PLBD2: variants seen among roughly 807,000 people sequenced by gnomAD.
PLBD2 encodes putative aminopeptidase PLBD2.
Under a neutral mutation model 68.3 loss-of-function variants are expected in PLBD2, and 51 were observed. The observed-to-expected ratio is 0.75, with a 90% CI of 0.60 to 0.94. PLBD2 has a LOEUF of 0.94. Ranked by LOEUF, PLBD2 falls within the 40% of genes least tolerant of loss-of-function variation. The probability of loss-of-function intolerance (pLI) is 0.00; values close to 1 mark genes in which losing one functional copy is unlikely to be tolerated. For synonymous variants in PLBD2, 314 were observed against 339.3 expected, an observed-to-expected ratio of 0.93 and a Z score of 0.82; for missense variants, 729 against 792.2, an observed-to-expected ratio of 0.92 and a Z score of 0.96.
At position 113,374,478 on chromosome 12, in the gene PLBD2, G is replaced by A. The variant is rs777756843; in HGVS notation, c.548G>A (p.Arg183Gln). ...NPDSPYWHQV[R>Q]LTLLQLKGLE... is the part of the protein sequence containing the mutation. ...TGCCCCCGCCCCCTCCCCTAGGTGC[G>A]GCTGACCCTCCTGCAGCTGAAAGGC... Residue 183 changes from arginine to glutamine, a missense_variant, in exon 4 of 12, where the codon CGG becomes CAG. Coordinates refer to ENST00000280800, the MANE Select transcript of PLBD2 (RefSeq NM_173542.4). 249 of 1,593,864 alleles carry A rather than the reference G, an allele frequency of 1.6e-4. No homozygotes were observed. The highest frequency in any genetic ancestry group is 4.3e-5 in the Non-Finnish European group (50 of 1,170,686).
At chr12:113,364,143 C>T (rs1957321061) in intron 1 of PLBD2, among the ~76,000 whole-genome samples, 1 of 152,228 alleles carries the variant, frequency 6.6e-6, no homozygotes, top group Non-Finnish European at 1.5e-5. Context: ...ATGCCCATCT[C>T]TGCAGGGCTG....
At chr12:113,360,056 C>T (rs1341352677) in intron 1 of PLBD2, among the ~76,000 whole-genome samples, 1 of 152,190 alleles carries the variant, frequency 6.6e-6, no homozygotes, top group Admixed American at 6.5e-5. Context: ...TTACTGGCAT[C>T]CATTGGCTTC....
rs1384067851 is a variant in PLBD2 at position 113,385,262 on chromosome 12, A to C, written c.1265A>C (p.Tyr422Ser). The change falls in exon 9 of 12, where the codon TAC (tyrosine) becomes TCC (serine). Residue 422 changes from tyrosine to serine, a missense_variant. Physicochemically the swap from Tyr to Ser is moderately radical, Grantham distance 144. Transcript: ENST00000280800. ...ACCTCGGAGCTCTACCAGAAGACCT[A>C]CTGGGCCAGCTACAACATACCGTGC... ...DKTSELYQKT[Y>S]WASYNIPSFE... is the part of the protein sequence containing the mutation. 1 of 1,613,926 alleles carries C rather than the reference A, an allele frequency of 6.2e-7. No homozygotes were observed. The highest frequency in any genetic ancestry group is 1.3e-5 in the African/African-American group (1 of 74,870).
At chr12:113,382,835 T>TTTTTTTTTTGTGTG (rs1335785271) in intron 6 of PLBD2, among the ~76,000 whole-genome samples, 13 of 106,606 alleles carry the variant, frequency 1.2e-4, no homozygotes, top group South Asian at 6.3e-4. Flanking sequence ...TGGTGGTTTT[T>TTTTTTTTTTGTGTG]TGTGTGTGTG....
chr12:113,364,085 C>T (rs769775486), intron 1 of PLBD2, among the ~76,000 whole-genome samples: 9 of 152,194 alleles, frequency 5.9e-5, no homozygotes, highest in Admixed American at 1.3e-4. Context: ...CGGGAAGGCC[C>T]GTCTTTTCTG....
chr12:113,379,617 C>T (rs892730767), intron 5 of PLBD2, among the ~76,000 whole-genome samples: 1 of 152,070 alleles, frequency 6.6e-6, no homozygotes, highest in African/African-American at 2.4e-5. Flanking sequence ...CAGACTAGCA[C>T]TTGTCAAGGG....
Position 113,387,921 on chromosome 12 carries a change from C to G in PLBD2, c.1602+15C>G. 9 of 1,613,622 alleles carry G rather than the reference C, an allele frequency of 5.6e-6. No individual in the cohort carries two copies. Among genetic ancestry groups the G allele is most frequent in the Non-Finnish European group, 6.8e-6 (8 of 1,179,606 alleles). ...TCGATGTGAAGGTGCTGCCTCCTCC[C>G]TAGGGCCTGAGCTGTGGGTGGGGGA... is the stretch of plus-strand genomic sequence containing the variant. On this transcript the variant is annotated intron_variant, in intron 11 of 11. Coordinates refer to ENST00000280800, the MANE Select transcript of PLBD2 (RefSeq NM_173542.4).
At chr12:113,374,131 A>G (rs541287070) in intron 3 of PLBD2, among the ~76,000 whole-genome samples, 1 of 152,174 alleles carries the variant, frequency 6.6e-6, no homozygotes, top group Non-Finnish European at 1.5e-5. Flanking sequence ...CGAGGCAGCA[A>G]TACAGTCAGT....
In PLBD2 at chr12:113,384,598, G is replaced by A. The variant is rs112429264; in HGVS notation, c.1119-253G>A. 3.9e-3 allele frequency among the ~76,000 whole-genome samples: 590 copies of A among 152,312 alleles called. 4 individuals are homozygous for A. The highest frequency in any genetic ancestry group is 0.013 in the African/African-American group (547 of 41,578). ...GAGCCAGAGACACTGGAACTGGGCA[G>A]TGCAGATCTTACAGCATCCGGCAGA... On this transcript the variant is annotated intron_variant, in intron 7 of 11. Coordinates refer to ENST00000280800, the MANE Select transcript of PLBD2 (RefSeq NM_173542.4). The surrounding 1 kb of genome is among the most constrained non-coding windows in gnomAD (Gnocchi z 4.2).
intron 1 of PLBD2, chr12:113,359,331 T>A: frequency 6.3e-6 from 1 of 157,684 alleles, no homozygotes; most frequent in Non-Finnish European, 1.4e-5. Flanking sequence ...AATTCTTACC[T>A]GCTTGGCTGT....
rs1197185107 is a variant in PLBD2, at chr12:113,387,890, G to T, written c.1586G>T (p.Gly529Val). 6.2e-7 allele frequency: 1 copy of T among 1,614,078 alleles called. No individual in the cohort carries two copies. The highest frequency in any genetic ancestry group is 8.5e-7 in the Non-Finnish European group (1 of 1,180,028). ...PFQALRQRSH[G>V]GIDVKVTSMS... ...CAGGCCCTGCGTCAGCGCTCCCATG[G>T]GGGTATCGATGTGAAGGTGCTGCCT... The change falls in exon 11 of 12, where the codon GGG becomes GTG. Residue 529 changes from glycine (G) to valine (V), a missense_variant. Transcript: ENST00000280800.
intron 11 of PLBD2, 51 bp from the exon 12 acceptor site, chr12:113,388,408 A>T: frequency 6.8e-7 from 1 of 1,469,116 alleles, no homozygotes; most frequent in Non-Finnish European, 9.0e-7. Context: ...GGGTGCCTGG[A>T]TTGGGGCAGG....
rs1340405908 is a variant in PLBD2, at chr12:113,372,725, G to A, written c.461G>A (p.Arg154Lys). ...GAGTATGAAGTCGGCTACTGCGAGA[G>A]GCTGAAGAGCTTCCTGGAGGCCAAC... The part of the protein sequence containing the change: ...PFEYEVGYCE[R>K]LKSFLEANLE... The change falls in exon 3 of 12, where the codon AGG (arginine) becomes AAG (lysine). Residue 154 changes from arginine to lysine, a missense_variant. Physicochemically the swap from Arg to Lys is conservative, Grantham distance 26. Transcript: ENST00000280800. This position sits in a 1 kb window ranked among gnomAD's most constrained non-coding sequence, Gnocchi z 4.2. 1.1e-5 allele frequency: 17 copies of A among 1,614,030 alleles called. No homozygotes were observed. The highest frequency in any genetic ancestry group is 5.0e-5 in the Admixed American group (3 of 60,002).
chr12:113,372,862 T>C lies in PLBD2; in HGVS notation c.543+55T>C. Reference sequence around the variant, plus strand: ...GGGGCTTCCAGCTGGCCAGCCATCCTGTCTCCTGTTGTTCTGGCCAGCCTT... The same window carrying C: ...GGGGCTTCCAGCTGGCCAGCCATCCCGTCTCCTGTTGTTCTGGCCAGCCTT... On this transcript the variant is annotated intron_variant, in intron 3 of 11. Coordinates refer to ENST00000280800, the MANE Select transcript of PLBD2 (RefSeq NM_173542.4). The surrounding 1 kb of genome is among the most constrained non-coding windows in gnomAD (Gnocchi z 4.2). The C allele has an allele frequency of 6.3e-7, 1 of 1,580,440 alleles. No homozygotes were observed. Among genetic ancestry groups the C allele is most frequent in the Non-Finnish European group, 8.6e-7 (1 of 1,164,330 alleles).
intron 6 of PLBD2, among the ~76,000 whole-genome samples, chr12:113,382,859 G>A (rs966589134): frequency 3.1e-5 from 4 of 130,868 alleles, no homozygotes; most frequent in African/African-American, 1.2e-4. Context: ...GTGTGTGTGT[G>A]TGTGTGTGTT....
rs748422753 is a variant in PLBD2 at position 113,384,847 on chromosome 12, G to T, written c.1119-4G>T. On this transcript the variant is annotated splice_region_variant and splice_polypyrimidine_tract_variant and intron_variant, in intron 7 of 11. Transcript: ENST00000280800. This position sits in a 1 kb window ranked among gnomAD's most constrained non-coding sequence, Gnocchi z 4.2. ...GTTCAGTCCTCCCTTCCCCTGCCCG[G>T]CAGGTATAACAACCAGTGGATGATC... The T allele has an allele frequency of 6.2e-7, 1 of 1,613,724 alleles. No individual in the cohort carries two copies. The highest frequency in any genetic ancestry group is 1.1e-5 in the South Asian group (1 of 91,036).
intron 3 of PLBD2, among the ~76,000 whole-genome samples, chr12:113,373,747 A>G (rs1257884883): frequency 1.7e-5 from 2 of 118,648 alleles, no homozygotes; most frequent in Admixed American, 1.1e-4. Flanking sequence ...ACTCATCTAC[A>G]TATCTATCCA....
At chr12:113,382,830 G>GTTTTT (rs1179441269) in intron 6 of PLBD2, among the ~76,000 whole-genome samples, 8 of 126,332 alleles carry the variant, frequency 6.3e-5, no homozygotes, top group African/African-American at 2.2e-4. Context: ...GGTGGTGGTG[G>GTTTTT]TTTTTTGTGT....
intron 5 of PLBD2, among the ~76,000 whole-genome samples, chr12:113,376,003 A>G (rs1034646266): frequency 4.0e-5 from 6 of 151,446 alleles, no homozygotes; most frequent in African/African-American, 1.2e-4. Context: ...ACAGGCGTGC[A>G]TCACCATGCC....
Sources: gnomAD v4.1 joint callset for allele counts (sites outside exome capture counted in the v4.1 genomes callset) on GRCh38, gnomAD v4.1.1 for gene constraint, Gnocchi (gnomAD v3.1) non-coding constraint, MANE v1.5 for transcripts, NCBI Gene and HGNC (gene_info 2026-07-23, HGNC 2026-07-21) for gene names.